TPPP: variants seen among roughly 807,000 people sequenced by gnomAD.
TPPP encodes the protein tubulin polymerization promoting protein, also known as tubulin polymerization-promoting protein.
In TPPP, 6 loss-of-function variants were observed where a neutral mutation model predicts 15.5. That is an observed-to-expected ratio of 0.39 (90% CI 0.21 to 0.77). The LOEUF (loss-of-function observed/expected upper bound fraction) is 0.77, where lower values mean the gene tolerates loss of function less well. Ranked by LOEUF, TPPP falls within the 30% of genes least tolerant of loss-of-function variation. The pLI, the probability that TPPP is intolerant of heterozygous loss-of-function variation, is 0.42. For synonymous variants in TPPP, 146 were observed against 133.9 expected (o/e 1.09, Z -0.63); for missense variants, 269 against 307.2 (o/e 0.88, Z 0.93).
chr5:668,397 T>TGCAGATGGAA (rs1561082205), intron 2 of TPPP, among the ~76,000 whole-genome samples: 1 of 99,358 alleles, frequency 1.0e-5, no homozygotes, highest in Non-Finnish European at 2.1e-5. Flanking sequence ...GTCAGGGAAG[T>TGCAGATGGAA]ACCGACAAGC....
Position 665,073 on chromosome 5 carries a change from C to T in TPPP, c.*29G>A, listed in dbSNP as rs759524225. On this transcript the variant is annotated 3_prime_UTR_variant, in exon 4 of 4. Transcript: ENST00000360578. Reference sequence around the variant, plus strand: ...GACAGAGTCCCTGCTCTGGGGACACCGGCAGTGCCGCGAGGCATGGAGCGG... The same window carrying T: ...GACAGAGTCCCTGCTCTGGGGACACTGGCAGTGCCGCGAGGCATGGAGCGG... 56 of 1,596,634 alleles carry T rather than the reference C, an allele frequency of 3.5e-5. No homozygotes were observed. Among genetic ancestry groups the T allele is most frequent in the Middle Eastern group, 1.9e-4 (1 of 5,172 alleles).
At chr5:670,633 G>A (rs1369684393) in intron 2 of TPPP, among the ~76,000 whole-genome samples, 21 of 152,062 alleles carry the variant, frequency 1.4e-4, no homozygotes, top group East Asian at 3.9e-4. Flanking sequence ...GTCTGGCATC[G>A]CCATCCTGCA....
chr5:692,748 C>T (rs1430538784), intron 1 of TPPP: 2 of 973,138 alleles, frequency 2.1e-6, no homozygotes, highest in Admixed American at 6.3e-5. Context: ...CCCCACCTGC[C>T]AGGACGCGGT....
intron 2 of TPPP, among the ~76,000 whole-genome samples, chr5:673,901 G>A (rs1740310021): frequency 6.6e-6 from 1 of 152,244 alleles, no homozygotes; most frequent in South Asian, 2.1e-4. Context: ...CAGCCACCCA[G>A]CCCCACCCAC....
Position 666,139 on chromosome 5 carries a change from C to T in TPPP, c.312-16G>A, listed in dbSNP as rs368815726. On this transcript the variant is annotated splice_polypyrimidine_tract_variant and intron_variant, in intron 2 of 3. Coordinates refer to ENST00000360578, the MANE Select transcript of TPPP (RefSeq NM_007030.3). ...AGACTTCCCTCTACAGGGGCACAGG[C>T]GACTTAGGGCTGGGCGCGGGCCGGC... The T allele has an allele frequency of 1.5e-4, 236 of 1,608,102 alleles. 1 individual carries two copies. Among genetic ancestry groups the T allele is most frequent in the Middle Eastern group, 1.2e-3 (7 of 6,068 alleles).
Position 678,064 on chromosome 5 carries a change from G to A in TPPP, c.-4C>T. 1 of 1,542,748 alleles carries A rather than the reference G, an allele frequency of 6.5e-7. No individual in the cohort carries two copies. The highest frequency in any genetic ancestry group is 8.7e-7 in the Non-Finnish European group (1 of 1,144,060). On this transcript the variant is annotated splice_region_variant and 5_prime_UTR_variant, in exon 2 of 4. Coordinates refer to ENST00000360578, the MANE Select transcript of TPPP (RefSeq NM_007030.3). ...CAGGCTTGGCCTTGTCAGCCATGTT[G>A]CTATGGAGGAAGGAGAGGAGAAAGG... is the stretch of plus-strand genomic sequence containing the variant.
rs1739559678 is a variant in TPPP, at chr5:660,797, G to A, written c.*4305C>T. On this transcript the variant is annotated 3_prime_UTR_variant, in exon 4 of 4. Coordinates refer to ENST00000360578, the MANE Select transcript of TPPP (RefSeq NM_007030.3). The stretch of plus-strand genomic sequence containing the variant: ...CCGCAGCAGCCCAGGATGGGGGCTG[G>A]GGTAGGAGGTGATGCCCACGCAGGG... 1 of 152,332 alleles carries A rather than the reference G, an allele frequency of 6.6e-6. No homozygotes were observed. Among genetic ancestry groups the A allele is most frequent in the African/African-American group, 2.4e-5 (1 of 41,446 alleles). The allele number at this position is 152,332 out of a possible 1,614,324, so 9.4% of individuals were successfully genotyped here. A position where few individuals can be genotyped will look rare whatever the true frequency, so the allele number is the denominator to read the frequency against.
intron 2 of TPPP, among the ~76,000 whole-genome samples, chr5:673,289 C>T (rs1370346983): frequency 6.6e-6 from 1 of 152,178 alleles, no homozygotes; most frequent in Non-Finnish European, 1.5e-5. Flanking sequence ...AGTTTTTAGG[C>T]CCCTTGCTGC....
chr5:672,003 TCACA>T (rs1001708736), intron 2 of TPPP, among the ~76,000 whole-genome samples: 1 of 152,170 alleles, frequency 6.6e-6, no homozygotes, highest in Non-Finnish European at 1.5e-5. Context: ...CAGGAGGACG[TCACA>T]CACAGTGCTC....
At chr5:673,425 G>A (rs973131342) in intron 2 of TPPP, among the ~76,000 whole-genome samples, 3 of 152,062 alleles carry the variant, frequency 2.0e-5, no homozygotes, top group Non-Finnish European at 2.9e-5. Flanking sequence ...GCCCTGGGGG[G>A]CCAGGGTCAC....
chr5:685,575 T>C (rs1740744559), intron 1 of TPPP, among the ~76,000 whole-genome samples: 1 of 152,168 alleles, frequency 6.6e-6, no homozygotes, highest in African/African-American at 2.4e-5. Flanking sequence ...AGGGGCTGCA[T>C]GGCCCTGGCC....
chr5:685,439 T>C (rs1740741280), intron 1 of TPPP, among the ~76,000 whole-genome samples: 1 of 152,198 alleles, frequency 6.6e-6, no homozygotes, highest in Non-Finnish European at 1.5e-5. Flanking sequence ...TCGGGACCCC[T>C]GCCACTCACC....
At chr5:671,079 C>T (rs908788401) in intron 2 of TPPP, among the ~76,000 whole-genome samples, 1 of 152,216 alleles carries the variant, frequency 6.6e-6, no homozygotes, top group Non-Finnish European at 1.5e-5. Context: ...CATGAAGCCC[C>T]CACACAGCCG....
chr5:698,803 GATAA>G, the TPPP span, among the ~76,000 whole-genome samples: 1 of 151,920 alleles, frequency 6.6e-6, no homozygotes, highest in Non-Finnish European at 1.5e-5. Flanking sequence ...TCTTAGATTT[GATAA>G]ATAAATTCAG....
At chr5:676,872 A>AAACGCGCACACACGACGCAGG (rs1740457247) in intron 2 of TPPP, among the ~76,000 whole-genome samples, 1 of 147,360 alleles carries the variant, frequency 6.8e-6, no homozygotes. Flanking sequence ...CACGACGCAG[A>AAACGCGCACACACGACGCAGG]AACATGCACA....
At chr5:668,289 C>T (rs1247193282) in intron 2 of TPPP, among the ~76,000 whole-genome samples, 2 of 75,732 alleles carry the variant, frequency 2.6e-5, no homozygotes, top group African/African-American at 7.3e-5. Context: ...GCGTGGGCGC[C>T]GTCAGGGAAG....
chr5:661,969 C>T lies in TPPP; in HGVS notation c.*3133G>A, dbSNP rs934509120. 5.3e-4 allele frequency: 80 copies of T among 152,314 alleles called. No individual in the cohort carries two copies. The highest frequency in any genetic ancestry group is 1.0e-3 in the Non-Finnish European group (71 of 68,084). The allele number at this position is 152,314 out of a possible 1,614,324, so 9.4% of individuals were successfully genotyped here. On this transcript the variant is annotated 3_prime_UTR_variant, in exon 4 of 4. Transcript: ENST00000360578. ...TGGAAGTGTGGAGGGAGAGTGGGGG[C>T]GTGGGGCCTCTCCCTCCAGGATCCC...
upstream of TPPP, among the ~76,000 whole-genome samples, chr5:693,743 G>C (rs1181604538): frequency 6.6e-6 from 1 of 150,454 alleles, no homozygotes; most frequent in African/African-American, 2.4e-5. Flanking sequence ...GGATGGATGA[G>C]CGCGGCCGCG....
At position 661,743 on chromosome 5, in the gene TPPP, A is replaced by G. The variant is rs1006969061; in HGVS notation, c.*3359T>C. The G allele has an allele frequency of 1.3e-5, 2 of 152,408 alleles. No individual in the cohort carries two copies. Among genetic ancestry groups the G allele is most frequent in the Admixed American group, 1.3e-4 (2 of 15,288 alleles). The allele number at this position is 152,408 out of a possible 1,614,324, so 9.4% of individuals were successfully genotyped here. A position where few individuals can be genotyped will look rare whatever the true frequency, so the allele number is the denominator to read the frequency against. Reference sequence around the variant, plus strand: ...GGATTCCACAGACAAGTTGTAACTGACAGTGGTGACCACTATGTCCTCGTG... The same window carrying G: ...GGATTCCACAGACAAGTTGTAACTGGCAGTGGTGACCACTATGTCCTCGTG... On this transcript the variant is annotated 3_prime_UTR_variant, in exon 4 of 4. Transcript: ENST00000360578.
Sources: allele counts gnomAD v4.1 joint callset (sites outside exome capture counted in the v4.1 genomes callset), GRCh38; gene constraint gnomAD v4.1.1; transcripts MANE v1.5; gene names NCBI Gene and HGNC (gene_info 2026-07-23, HGNC 2026-07-21).